Variants in ZFHX3 observed in about 807,000 individuals in gnomAD.
ZFHX3 encodes zinc finger homeobox protein 3.
ZFHX3 carries 42 observed loss-of-function variants against 279.1 expected under a neutral mutation model. The observed-to-expected ratio is 0.15, with a 90% CI of 0.12 to 0.19. The LOEUF (loss-of-function observed/expected upper bound fraction) is 0.19. ZFHX3 is among the 10% of genes least tolerant of loss of function. The pLI is 1.00. For missense variants in ZFHX3, 4,981 were observed against 4,754.0 expected (o/e 1.05, Z -1.40); for synonymous variants, 2,293 against 1,957.8 (o/e 1.17, Z -4.52).
At chr16:73,037,708 G>C (rs1189270119) in intron 1 of ZFHX3, among the ~76,000 whole-genome samples, 4 of 152,130 alleles carry the variant, frequency 2.6e-5, no homozygotes, top group African/African-American at 4.8e-5. Flanking sequence ...AAGTGACACA[G>C]CCCAGGGCAC....
At chr16:73,803,478 A>G (rs115991006) in intron 1 of ZFHX3, among the ~76,000 whole-genome samples, 468 of 152,356 alleles carry the variant, frequency 3.1e-3, no homozygotes, top group African/African-American at 0.011. Flanking sequence ...TGTGCTTATT[A>G]AAGACTAAAA....
chr16:73,627,556 A>G (rs1257291233), intron 2 of ZFHX3, among the ~76,000 whole-genome samples: 1 of 152,196 alleles, frequency 6.6e-6, no homozygotes, highest in Non-Finnish European at 1.5e-5. Flanking sequence ...AAAACCTGCA[A>G]TGGGTACCCT....
At chr16:73,870,021 C>G (rs1174535440) in intron 1 of ZFHX3, among the ~76,000 whole-genome samples, 1 of 152,142 alleles carries the variant, frequency 6.6e-6, no homozygotes, top group African/African-American at 2.4e-5. Context: ...AATAAAGCTT[C>G]TTGAATCTTT....
chr16:73,722,118 A>G (rs1478808313), intron 1 of ZFHX3, among the ~76,000 whole-genome samples: 1 of 152,208 alleles, frequency 6.6e-6, no homozygotes, highest in Admixed American at 6.5e-5. Flanking sequence ...AGCACTTCCT[A>G]TATGCTTAGT....
intron 8 of ZFHX3, 81 bp downstream of exon 8, chr16:72,799,946 A>T: frequency 1.5e-6 from 2 of 1,301,670 alleles, no homozygotes; most frequent in Non-Finnish European, 2.2e-6. Flanking sequence ...ATTGTAAAGA[A>T]TTCCTGAAAA....
At chr16:73,860,904 G>T (rs1047240429) in intron 1 of ZFHX3, among the ~76,000 whole-genome samples, 1 of 152,100 alleles carries the variant, frequency 6.6e-6, no homozygotes, top group Non-Finnish European at 1.5e-5. Flanking sequence ...GTTCTATATG[G>T]GGAGGGGAGG....
chr16:73,766,348 C>T (rs559420628), intron 1 of ZFHX3, among the ~76,000 whole-genome samples: 2 of 152,144 alleles, frequency 1.3e-5, no homozygotes, highest in East Asian at 3.9e-4. Flanking sequence ...AATAAATGGC[C>T]CAGGTATATC....
Position 73,511,529 on chromosome 16 carries a change from G to A in ZFHX3, c.-1546-55271C>T, listed in dbSNP as rs146285776. Among the ~76,000 whole-genome samples the A allele has an allele frequency of 2.6e-3, 389 of 152,246 alleles. 4 individuals carry two copies. The highest frequency in any genetic ancestry group is 0.018 in the East Asian group (92 of 5,170). On this transcript the variant is annotated intron_variant, in intron 2 of 17. Coordinates refer to the ZFHX3 transcript ENST00000641206. ...TGAAATGTGCACAGCCTTAGGAAAC[G>A]GTCATTACAAATATGGAGTTGAATG...
chr16:73,107,011 T>C (rs1483912761), intron 7 of ZFHX3, among the ~76,000 whole-genome samples: 1 of 152,232 alleles, frequency 6.6e-6, no homozygotes, highest in Admixed American at 6.5e-5. Flanking sequence ...TTTAAGTATG[T>C]ATTTTAAAAA....
At chr16:73,585,572 G>A (rs985075008) in intron 2 of ZFHX3, among the ~76,000 whole-genome samples, 1 of 152,070 alleles carries the variant, frequency 6.6e-6, no homozygotes, top group South Asian at 2.1e-4. Flanking sequence ...TAACAAACCT[G>A]CACATCCAGC....
rs1341759571 is a variant in ZFHX3, at chr16:72,784,956, T to C, written c.*2208A>G. 1 of 152,562 alleles carries C rather than the reference T, an allele frequency of 6.6e-6. No homozygotes were observed. Among genetic ancestry groups the C allele is most frequent in the Non-Finnish European group, 1.5e-5 (1 of 68,036 alleles). 9.5% of individuals were successfully genotyped at this position (152,562 alleles called of 1,614,324 possible). On this transcript the variant is annotated 3_prime_UTR_variant, in exon 10 of 10. Coordinates refer to ENST00000268489, the MANE Select transcript of ZFHX3 (RefSeq NM_006885.4). ...AAAAATCCATTTTCAGATCTTGGAA[T>C]GCTCCAGTCTTTTGCAAAGTCGATG...
At chr16:73,466,336 A>T (rs938115987) in intron 2 of ZFHX3, among the ~76,000 whole-genome samples, 2 of 152,200 alleles carry the variant, frequency 1.3e-5, no homozygotes, top group Non-Finnish European at 2.9e-5. Context: ...TAGGAAAATT[A>T]TCTGGGCATG....
intron 3 of ZFHX3, among the ~76,000 whole-genome samples, chr16:73,453,452 A>G (rs1407625704): frequency 6.6e-6 from 1 of 152,204 alleles, no homozygotes; most frequent in Admixed American, 6.5e-5. Flanking sequence ...GAGAAGTCTC[A>G]CTACCCTGAG....
chr16:73,288,462 C>A (rs2014685567), intron 4 of ZFHX3, among the ~76,000 whole-genome samples: 2 of 152,170 alleles, frequency 1.3e-5, no homozygotes, highest in Non-Finnish European at 2.9e-5. Flanking sequence ...TGCCCCTGCA[C>A]TGATAGCTGA....
At chr16:73,623,540 T>G (rs2052388223) in intron 2 of ZFHX3, among the ~76,000 whole-genome samples, 1 of 152,192 alleles carries the variant, frequency 6.6e-6, no homozygotes, top group African/African-American at 2.4e-5. Flanking sequence ...AAAAATACAT[T>G]GGCAGACAAG....
intron 2 of ZFHX3, among the ~76,000 whole-genome samples, chr16:73,463,459 G>A (rs552165496): frequency 6.6e-6 from 1 of 152,262 alleles, no homozygotes; most frequent in South Asian, 2.1e-4. Context: ...GTGCTGATAC[G>A]ATAGAAGGCA....
intron 4 of ZFHX3, among the ~76,000 whole-genome samples, chr16:72,861,172 C>G (rs1156695955): frequency 6.6e-6 from 1 of 152,220 alleles, no homozygotes; most frequent in African/African-American, 2.4e-5. Flanking sequence ...CCAACTGTCC[C>G]CTACAGCCAC....
intron 5 of ZFHX3, among the ~76,000 whole-genome samples, chr16:73,250,458 A>G (rs1452836008): frequency 6.6e-6 from 1 of 152,194 alleles, no homozygotes; most frequent in Non-Finnish European, 1.5e-5. Context: ...TAATTTTACA[A>G]TTCAGTGGCA....
chr16:73,045,669 T>C (rs887171997), intron 1 of ZFHX3, among the ~76,000 whole-genome samples: 2 of 143,000 alleles, frequency 1.4e-5, no homozygotes, highest in African/African-American at 5.0e-5. Flanking sequence ...ATTATTATTA[T>C]TATTATTATT....
Sources: gnomAD v4.1 joint callset for allele counts (sites outside exome capture counted in the v4.1 genomes callset) on GRCh38, gnomAD v4.1.1 for gene constraint, MANE v1.5 for transcripts, NCBI Gene and HGNC (gene_info 2026-07-23, HGNC 2026-07-21) for gene names.